Variants in CTBP2 observed in about 807,000 individuals in gnomAD.
CTBP2 encodes the protein C-terminal-binding protein 2.
In CTBP2, 30 loss-of-function variants were observed where a neutral mutation model predicts 80.3. The ratio of observed to expected loss-of-function variants is 0.37; its 90% CI spans 0.28 to 0.51. The LOEUF (loss-of-function observed/expected upper bound fraction) is 0.51. CTBP2 is among the 20% of genes least tolerant of loss of function. The pLI is 0.93. For missense variants in CTBP2, 1,212 were observed against 1,375.3 expected, an observed-to-expected ratio of 0.88 and a Z score of 1.88; for synonymous variants, 594 against 587.4, an observed-to-expected ratio of 1.01 and a Z score of -0.16.
chr10:125,039,872 T>G (rs1294689510), intron 2 of CTBP2, among the ~76,000 whole-genome samples: 1 of 152,054 alleles, frequency 6.6e-6, no homozygotes, highest in East Asian at 1.9e-4. Context: ...AGTGTGAGAG[T>G]GTAACCATCC....
intron 1 of CTBP2, among the ~76,000 whole-genome samples, chr10:125,014,689 C>T (rs114592312): frequency 0.016 from 2,376 of 152,302 alleles, 58 homozygotes; most frequent in African/African-American, 0.054. Flanking sequence ...GAACACCAGC[C>T]CTCCAGAAAG....
chr10:125,073,112 A>G (rs1845760482), intron 2 of CTBP2, among the ~76,000 whole-genome samples: 1 of 152,230 alleles, frequency 6.6e-6, no homozygotes, highest in Non-Finnish European at 1.5e-5. Context: ...CCTGCCCAAT[A>G]AATCAGTGTC....
chr10:124,992,085 T>TATCCTGAGTTGACTGTACC (rs1952718879), intron 8 of CTBP2, among the ~76,000 whole-genome samples: 1 of 152,148 alleles, frequency 6.6e-6, no homozygotes, highest in Admixed American at 6.6e-5. Flanking sequence ...TTGATTGTAC[T>TATCCTGAGTTGACTGTACC]ATCCTGAGTT....
At chr10:125,003,532 T>C in intron 1 of CTBP2, 40 bp from the exon 4 acceptor site, 1 of 1,495,542 alleles carries the variant, frequency 6.7e-7, no homozygotes, top group Non-Finnish European at 8.9e-7. Context: ...GGTGGGTGGC[T>C]GGGGCCACAG....
intron 1 of CTBP2, among the ~76,000 whole-genome samples, chr10:125,117,894 C>T (rs1853603675): frequency 3.9e-5 from 6 of 152,198 alleles, no homozygotes; most frequent in Admixed American, 3.9e-4. Context: ...CATTATGACC[C>T]CCTGATGCCC....
intron 1 of CTBP2, among the ~76,000 whole-genome samples, chr10:125,138,528 A>G (rs951681183): frequency 4.6e-5 from 7 of 152,154 alleles, no homozygotes; most frequent in African/African-American, 1.2e-4. Context: ...TGCTAAAAAT[A>G]AGATTAACTA....
At chr10:125,093,699 C>T (rs558021496) in intron 2 of CTBP2, among the ~76,000 whole-genome samples, 24 of 152,312 alleles carry the variant, frequency 1.6e-4, no homozygotes, top group African/African-American at 5.1e-4. Context: ...GCAAAGCCCA[C>T]GGCATCTGCC....
chr10:125,094,208 T>A (rs1849206946), intron 2 of CTBP2, among the ~76,000 whole-genome samples: 1 of 152,198 alleles, frequency 6.6e-6, no homozygotes, highest in African/African-American at 2.4e-5. Context: ...AGGGATGCTT[T>A]GTCCTGATTT....
At chr10:125,044,717 A>G (rs912152035) in intron 2 of CTBP2, among the ~76,000 whole-genome samples, 31 of 152,166 alleles carry the variant, frequency 2.0e-4, no homozygotes, top group Non-Finnish European at 3.5e-4. Flanking sequence ...CGCACCTGTG[A>G]ATAAAGCCAC....
In CTBP2 at chr10:124,992,735, G is replaced by C; in HGVS notation, c.2737C>G (p.Gln913Glu). The change falls in exon 8 of 9, where the codon CAG (glutamine) becomes GAG (glutamate). Residue 913 changes from glutamine (Q) to glutamate (E), a missense_variant. Transcript: ENST00000309035. The stretch of plus-strand genomic sequence containing the variant: ...TTGAGCTCAGGATGAATTGCTTGCT[G>C]GTCTATTACTGACCAAGGCGCTGAT... The C allele has an allele frequency of 6.2e-7, 1 of 1,608,842 alleles. No individual in the cohort carries two copies.
At chr10:125,021,329 C>T (rs574970139) in intron 1 of CTBP2, among the ~76,000 whole-genome samples, 1 of 152,320 alleles carries the variant, frequency 6.6e-6, no homozygotes, top group African/African-American at 2.4e-5. Context: ...AATAGAAGCA[C>T]AGAGAACTCA....
intron 1 of CTBP2, among the ~76,000 whole-genome samples, chr10:125,011,775 T>C (rs186199813): frequency 2.2e-4 from 34 of 152,332 alleles, no homozygotes; most frequent in South Asian, 6.2e-4. Flanking sequence ...TGACAGCTAT[T>C]TCCCGGTTTG....
intron 2 of CTBP2, among the ~76,000 whole-genome samples, chr10:125,064,782 T>G (rs1157317539): frequency 6.6e-6 from 1 of 152,188 alleles, no homozygotes; most frequent in African/African-American, 2.4e-5. Flanking sequence ...TGTAGTGAGA[T>G]GTGGGGATTC....
At chr10:125,119,307 AC>A (rs577808615) in intron 1 of CTBP2, among the ~76,000 whole-genome samples, 1 of 151,984 alleles carries the variant, frequency 6.6e-6, no homozygotes, top group African/African-American at 2.4e-5. Flanking sequence ...CGAGGGTGTG[AC>A]CCCCACTCCC....
intron 2 of CTBP2, among the ~76,000 whole-genome samples, chr10:125,073,034 C>T (rs545809745): frequency 1.3e-5 from 2 of 152,336 alleles, no homozygotes; most frequent in East Asian, 1.9e-4. Flanking sequence ...AGCCCAAGAA[C>T]ACAGTGTCAG....
At chr10:125,158,780 C>T (rs573357865) in intron 1 of CTBP2, 6 of 151,120 alleles carry the variant, frequency 4.0e-5, no homozygotes, top group Admixed American at 3.3e-4. Flanking sequence ...AGCCAACTGC[C>T]GCTTGGGCCG....
At chr10:125,094,281 G>C (rs1333338311) in intron 2 of CTBP2, among the ~76,000 whole-genome samples, 3 of 152,164 alleles carry the variant, frequency 2.0e-5, no homozygotes, top group Non-Finnish European at 4.4e-5. Context: ...ACCCTGACAA[G>C]GTGACAAATA....
intron 2 of CTBP2, among the ~76,000 whole-genome samples, chr10:125,086,666 C>T (rs1848029961): frequency 6.7e-6 from 1 of 148,874 alleles, no homozygotes; most frequent in Non-Finnish European, 1.5e-5. Context: ...TTCCACATAG[C>T]GAGAGAGTAC....
intron 2 of CTBP2, among the ~76,000 whole-genome samples, chr10:125,060,257 G>GA (rs1964700668): frequency 5.4e-3 from 1 of 184 alleles, no homozygotes; most frequent in Non-Finnish European, 0.02. Flanking sequence ...GGAAAACAAA[G>GA]CTCTGGAGCT....
Sources: gnomAD v4.1 joint callset for allele counts (sites outside exome capture counted in the v4.1 genomes callset) on GRCh38, gnomAD v4.1.1 for gene constraint, MANE v1.5 for transcripts, NCBI Gene and HGNC (gene_info 2026-07-23, HGNC 2026-07-21) for gene names.